The following RBFOX1 variants were observed in gnomAD, a reference collection of about 807,000 sequenced individuals.
RBFOX1 encodes the protein RNA binding protein fox-1 homolog 1.
In RBFOX1, 8 loss-of-function variants were observed where a neutral mutation model predicts 57.7. The ratio of observed to expected loss-of-function variants is 0.14; its 90% confidence interval spans 0.08 to 0.25. The LOEUF (loss-of-function observed/expected upper bound fraction) is 0.25, where lower values mean the gene tolerates loss of function less well. RBFOX1 is among the 10% of genes least tolerant of loss of function. The probability of loss-of-function intolerance (pLI) is 1.00; values close to 1 mark genes in which losing one functional copy is unlikely to be tolerated. For synonymous variants in RBFOX1, 326 were observed against 222.4 expected (o/e 1.47, Z -4.15); for missense variants, 611 against 548.5 (o/e 1.11, Z -1.14).
chr16:6,639,174 G>A (rs1236016977), intron 2 of RBFOX1, among the ~76,000 whole-genome samples: 1 of 152,198 alleles, frequency 6.6e-6, no homozygotes, highest in Admixed American at 6.5e-5. Flanking sequence ...ATGTGCGCTA[G>A]CTCTGTTGAC....
chr16:7,136,122 C>T (rs2071879521), intron 4 of RBFOX1, among the ~76,000 whole-genome samples: 1 of 152,192 alleles, frequency 6.6e-6, no homozygotes, highest in Non-Finnish European at 1.5e-5. Context: ...AAGAGATTGG[C>T]TGGAAATGGT....
intron 3 of RBFOX1, among the ~76,000 whole-genome samples, chr16:5,726,953 C>A (rs1055564618): frequency 6.6e-6 from 1 of 152,004 alleles, no homozygotes; most frequent in African/African-American, 2.4e-5. Flanking sequence ...TAGCCCTGGC[C>A]GTGAATTCAA....
At chr16:5,492,977 A>G (rs1206873831) in intron 2 of RBFOX1, among the ~76,000 whole-genome samples, 2 of 152,224 alleles carry the variant, frequency 1.3e-5, no homozygotes, top group Non-Finnish European at 2.9e-5. Context: ...ACTATGGCCC[A>G]TGGGCCAAAT....
chr16:7,416,690 A>G (rs1256368663), intron 4 of RBFOX1, among the ~76,000 whole-genome samples: 1 of 152,082 alleles, frequency 6.6e-6, no homozygotes, highest in African/African-American at 2.4e-5. Flanking sequence ...AATCTCTGAG[A>G]AAATATTAAT....
At chr16:7,233,872 C>G (rs895883007) in intron 4 of RBFOX1, among the ~76,000 whole-genome samples, 1 of 152,148 alleles carries the variant, frequency 6.6e-6, no homozygotes, top group Non-Finnish European at 1.5e-5. Context: ...CCGATCTTAG[C>G]CAAAAAGTCA....
intron 1 of RBFOX1, among the ~76,000 whole-genome samples, chr16:6,167,295 C>G (rs11649099): frequency 0.37 from 55,643 of 152,018 alleles, 10,446 homozygotes; most frequent in Admixed American, 0.48. Context: ...ATTGCACCTA[C>G]CCTTTGACGT....
chr16:5,441,031 C>G (rs976640320), intron 1 of RBFOX1, among the ~76,000 whole-genome samples: 1 of 152,118 alleles, frequency 6.6e-6, no homozygotes, highest in Non-Finnish European at 1.5e-5. Context: ...ACAAATTGAT[C>G]GTGAAAATGA....
chr16:5,979,541 C>G (rs187087411), intron 4 of RBFOX1, among the ~76,000 whole-genome samples: 1 of 152,168 alleles, frequency 6.6e-6, no homozygotes, highest in African/African-American at 2.4e-5. Context: ...TCCTTACATT[C>G]TCTCAGTTAA....
intron 3 of RBFOX1, among the ~76,000 whole-genome samples, chr16:7,041,325 G>C (rs150741613): frequency 6.6e-6 from 1 of 152,172 alleles, no homozygotes; most frequent in Non-Finnish European, 1.5e-5. Context: ...GAACCGAGTA[G>C]CTGCAACAAA....
chr16:6,710,599 G>T (rs796195242), intron 3 of RBFOX1, among the ~76,000 whole-genome samples: 6 of 152,338 alleles, frequency 3.9e-5, no homozygotes, highest in African/African-American at 1.4e-4. Flanking sequence ...ATTTGCAACT[G>T]AAAGAAGCCT....
chr16:6,077,241 A>G (rs1993122), intron 1 of RBFOX1, among the ~76,000 whole-genome samples: 35,554 of 152,096 alleles, frequency 0.23, 4,269 homozygotes, highest in Admixed American at 0.31. Flanking sequence ...AGAGATGGGC[A>G]GACACCATGG....
At chr16:7,441,299 G>C (rs987348451) in intron 4 of RBFOX1, among the ~76,000 whole-genome samples, 1 of 152,182 alleles carries the variant, frequency 6.6e-6, no homozygotes, top group Admixed American at 6.5e-5. Context: ...TGGTGGAGCT[G>C]TTAGCATATT....
At chr16:6,534,155 C>T (rs1344483150) in intron 2 of RBFOX1, among the ~76,000 whole-genome samples, 3 of 152,096 alleles carry the variant, frequency 2.0e-5, no homozygotes, top group Non-Finnish European at 4.4e-5. Flanking sequence ...ATTACCCAAA[C>T]ATCCATCAAT....
intron 1 of RBFOX1, among the ~76,000 whole-genome samples, chr16:5,348,015 C>T (rs1447486496): frequency 2.1e-5 from 3 of 146,200 alleles, no homozygotes; most frequent in South Asian, 2.3e-4. Flanking sequence ...ATCCATCCAT[C>T]CCCCCACCTA....
intron 1 of RBFOX1, among the ~76,000 whole-genome samples, chr16:6,242,336 G>C (rs1315726090): frequency 1.3e-5 from 2 of 151,944 alleles, no homozygotes; most frequent in East Asian, 1.9e-4. Flanking sequence ...AGCCTGTATA[G>C]GTCTATGGTC....
intron 5 of RBFOX1, among the ~76,000 whole-genome samples, chr16:7,578,483 G>A (rs1278452490): frequency 6.6e-6 from 1 of 152,188 alleles, no homozygotes. Context: ...AAACCTTCCA[G>A]TACATACCAG....
chr16:6,241,836 C>G (rs1304062548), intron 1 of RBFOX1, among the ~76,000 whole-genome samples: 2 of 152,168 alleles, frequency 1.3e-5, no homozygotes, highest in Non-Finnish European at 2.9e-5. Flanking sequence ...ACAAAGTGCC[C>G]ATGCATGTAA....
intron 4 of RBFOX1, among the ~76,000 whole-genome samples, chr16:5,952,903 T>G (rs1171841686): frequency 1.3e-5 from 2 of 152,174 alleles, no homozygotes; most frequent in Non-Finnish European, 2.9e-5. Flanking sequence ...TCATTAGGTT[T>G]GTGCTCAGGA....
intron 1 of RBFOX1, among the ~76,000 whole-genome samples, chr16:6,304,802 G>A (rs565125169): frequency 1.4e-5 from 2 of 140,584 alleles, no homozygotes; most frequent in African/African-American, 2.8e-5. Context: ...GGAGAAGGGA[G>A]GTGGAAATTG....
Sources: gnomAD v4.1 joint callset for allele counts (sites outside exome capture counted in the v4.1 genomes callset) on GRCh38, gnomAD v4.1.1 for gene constraint, MANE v1.5 for transcripts, NCBI Gene and HGNC (gene_info 2026-07-23, HGNC 2026-07-21) for gene names.